Variants in PCDHA1 observed in about 807,000 individuals in gnomAD.
PCDHA1 encodes the protein protocadherin alpha 1.
In PCDHA1, 42 loss-of-function variants were observed where a neutral mutation model predicts 61.3. The ratio of observed to expected loss-of-function variants is 0.69; its 90% CI spans 0.54 to 0.89. The LOEUF is 0.89. Ranked by LOEUF, PCDHA1 falls within the 40% of genes least tolerant of loss-of-function variation. The pLI is 0.00. For synonymous variants in PCDHA1, 610 were observed against 553.8 expected, an observed-to-expected ratio of 1.10 and a Z score of -1.43; for missense variants, 1,256 against 1,235.3, an observed-to-expected ratio of 1.02 and a Z score of -0.25.
chr5:140,788,505 C>G lies in PCDHA1; in HGVS notation c.2215C>G (p.Leu739Val). ...EGAYVPGKPT[L>V]VCSSALGSWS... ...TGCGTATGTGCCGGGCAAGCCCACT[C>G]TGGTGTGCTCCAGCGCGTTGGGGAG... Residue 739 changes from leucine to valine, a missense_variant, in exon 1 of 4, where the codon CTG becomes GTG. Physicochemically the swap from Leu to Val is conservative, Grantham distance 32. Coordinates refer to ENST00000504120, the MANE Select transcript of PCDHA1 (RefSeq NM_018900.4). 6.2e-7 allele frequency: 1 copy of G among 1,614,134 alleles called. No homozygotes were observed. The highest frequency in any genetic ancestry group is 8.5e-7 in the Non-Finnish European group (1 of 1,179,998).
chr5:140,830,164 G>A, intron 1 of PCDHA1: 1 of 1,613,544 alleles, frequency 6.2e-7, no homozygotes, highest in Non-Finnish European at 8.5e-7. Context: ...GCCCAGAGGC[G>A]GCGCTGGTGG....
chr5:140,871,573 T>A (rs1554165748), intron 1 of PCDHA1: 1 of 1,477,842 alleles, frequency 6.8e-7, no homozygotes, highest in Non-Finnish European at 9.0e-7. Flanking sequence ...ACGGATTTTT[T>A]AAGGGAAAGT....
chr5:141,006,282 G>A (rs2098265578), intron 3 of PCDHA1, among the ~76,000 whole-genome samples: 1 of 151,970 alleles, frequency 6.6e-6, no homozygotes, highest in Non-Finnish European at 1.5e-5. Context: ...CACGATCTCA[G>A]CTCACTGCAA....
intron 1 of PCDHA1, among the ~76,000 whole-genome samples, chr5:140,892,783 T>C (rs1554185363): frequency 6.6e-6 from 1 of 152,168 alleles, no homozygotes; most frequent in African/African-American, 2.4e-5. Context: ...TTCTTGAAAA[T>C]ATGTAAGAAA....
chr5:140,849,948 CAGG>C (rs1562462413), intron 1 of PCDHA1: 1 of 1,597,844 alleles, frequency 6.3e-7, no homozygotes, highest in Admixed American at 1.7e-5. Flanking sequence ...CGCTGACGCG[CAGG>C]AGAACGCCCT....
chr5:140,873,246 T>C (rs1554166632), intron 1 of PCDHA1, among the ~76,000 whole-genome samples: 1 of 152,142 alleles, frequency 6.6e-6, no homozygotes, highest in African/African-American at 2.4e-5. Flanking sequence ...ATATAAAATA[T>C]TTCAGACTCA....
intron 1 of PCDHA1, chr5:140,834,282 A>C: frequency 8.7e-7 from 1 of 1,148,074 alleles, no homozygotes; most frequent in Admixed American, 2.3e-5. Context: ...CTTTGGATGC[A>C]CAACAATGGC....
intron 1 of PCDHA1, among the ~76,000 whole-genome samples, chr5:140,890,883 G>T (rs1339331273): frequency 1.3e-5 from 2 of 152,064 alleles, no homozygotes; most frequent in Non-Finnish European, 2.9e-5. Flanking sequence ...CCTTTCATCA[G>T]GGATTATTGT....
At chr5:140,796,397 C>T (rs1454968825) in intron 1 of PCDHA1, 1 of 1,613,802 alleles carries the variant, frequency 6.2e-7, no homozygotes, top group Non-Finnish European at 8.5e-7. Flanking sequence ...TTCACGGTGT[C>T]AGCGTGGGAT....
intron 1 of PCDHA1, chr5:140,829,722 C>T: frequency 6.2e-7 from 1 of 1,613,622 alleles, no homozygotes; most frequent in East Asian, 2.2e-5. Context: ...GGCGTGCCGC[C>T]TCTGGGCAGC....
At chr5:140,833,401 T>C (rs1772445861) in intron 1 of PCDHA1, among the ~76,000 whole-genome samples, 1 of 152,180 alleles carries the variant, frequency 6.6e-6, no homozygotes, top group South Asian at 2.1e-4. Flanking sequence ...CAAGACTTGA[T>C]CAAAGGGCTG....
intron 1 of PCDHA1, among the ~76,000 whole-genome samples, chr5:140,952,530 A>C (rs246033): frequency 0.56 from 85,631 of 151,920 alleles, 24,768 homozygotes; most frequent in African/African-American, 0.69. Flanking sequence ...ACCTCCTCAG[A>C]CTGGACTTCT....
At chr5:140,977,373 A>G (rs1167438428) in intron 1 of PCDHA1, among the ~76,000 whole-genome samples, 1 of 152,168 alleles carries the variant, frequency 6.6e-6, no homozygotes, top group Non-Finnish European at 1.5e-5. Flanking sequence ...TATTTTAGTC[A>G]TATTTCCAGG....
At chr5:140,990,445 A>C (rs1212288513) in intron 3 of PCDHA1, among the ~76,000 whole-genome samples, 2 of 152,140 alleles carry the variant, frequency 1.3e-5, no homozygotes, top group Non-Finnish European at 2.9e-5. Context: ...TTGTGTCCAG[A>C]GCTGTTGCTG....
intron 1 of PCDHA1, among the ~76,000 whole-genome samples, chr5:140,973,418 T>G (rs1235123458): frequency 6.6e-6 from 1 of 152,212 alleles, no homozygotes; most frequent in East Asian, 1.9e-4. Flanking sequence ...CCACTCCAGT[T>G]TTTCATCCTC....
At chr5:140,821,746 T>G in intron 1 of PCDHA1, 1 of 1,569,278 alleles carries the variant, frequency 6.4e-7, no homozygotes. Context: ...GGTGATGCAA[T>G]AGAAAGCTCA....
intron 1 of PCDHA1, chr5:140,969,111 G>A (rs1554231464): frequency 4.3e-6 from 7 of 1,614,116 alleles, no homozygotes; most frequent in Non-Finnish European, 5.9e-6. Flanking sequence ...ATTGAAGTTC[G>A]AGGGAATGGC....
At chr5:140,834,316 G>A (rs1772899849) in intron 1 of PCDHA1, 1 of 1,378,132 alleles carries the variant, frequency 7.3e-7, no homozygotes, top group Non-Finnish European at 1.0e-6. Context: ...TGAAATGAAG[G>A]GATAAAAACA....
intron 1 of PCDHA1, chr5:140,843,080 G>A (rs1554139718): frequency 2.5e-6 from 4 of 1,595,426 alleles, no homozygotes; most frequent in African/African-American, 2.7e-5. Context: ...GTCTGTGGGC[G>A]CGGGCCACGT....
Sources: gnomAD v4.1 joint callset for allele counts (sites outside exome capture counted in the v4.1 genomes callset) on GRCh38, gnomAD v4.1.1 for gene constraint, MANE v1.5 for transcripts, NCBI Gene and HGNC (gene_info 2026-07-23, HGNC 2026-07-21) for gene names.